The following DGLUCY variants were observed in gnomAD, a reference collection of about 807,000 sequenced individuals.
DGLUCY encodes D-glutamate cyclase, mitochondrial.
A neutral mutation model predicts 58.5 loss-of-function variants in DGLUCY; 58 were observed. The ratio of observed to expected loss-of-function variants is 0.99; its 90% CI spans 0.80 to 1.23. The LOEUF (loss-of-function observed/expected upper bound fraction) is 1.23, where lower values mean the gene tolerates loss of function less well. DGLUCY is among the 50% of genes most tolerant of loss of function. DGLUCY has a pLI of 0.00. For missense variants in DGLUCY, 779 were observed against 784.7 expected (o/e 0.99, Z 0.09); for synonymous variants, 325 against 314.1 (o/e 1.03, Z -0.37).
intron 1 of DGLUCY, among the ~76,000 whole-genome samples, chr14:91,068,079 GCACA>G (rs57428509): frequency 0.021 from 3,146 of 146,368 alleles, 58 homozygotes; most frequent in Non-Finnish European, 0.03. Flanking sequence ...ACACGCGCAC[GCACA>G]CACACACACA....
upstream of DGLUCY, among the ~76,000 whole-genome samples, chr14:91,103,811 AACACAC>A (rs72140720): frequency 1.3e-5 from 2 of 151,264 alleles, no homozygotes; most frequent in Non-Finnish European, 2.9e-5. Context: ...ACATATATGA[AACACAC>A]ACACACACAC....
intron 12 of DGLUCY, among the ~76,000 whole-genome samples, chr14:91,208,851 T>C (rs1254800181): frequency 6.6e-6 from 1 of 152,184 alleles, no homozygotes; most frequent in African/African-American, 2.4e-5. Context: ...ACCCATGAAG[T>C]GGTATACTGT....
intron 1 of DGLUCY, among the ~76,000 whole-genome samples, chr14:91,132,756 G>A (rs1335989045): frequency 6.6e-6 from 1 of 151,882 alleles, no homozygotes; most frequent in Admixed American, 6.6e-5. Flanking sequence ...GGGATTACAG[G>A]CGTGAGCCAC....
upstream of DGLUCY, among the ~76,000 whole-genome samples, chr14:91,112,659 C>A (rs2044726221): frequency 6.6e-6 from 1 of 151,506 alleles, no homozygotes; most frequent in Non-Finnish European, 1.5e-5. Flanking sequence ...AAAAAAGGAA[C>A]AAGATGCATG....
chr14:91,141,584 ACT>A (rs1325155594), intron 1 of DGLUCY, among the ~76,000 whole-genome samples: 2 of 134,216 alleles, frequency 1.5e-5, no homozygotes, highest in African/African-American at 2.8e-5. Flanking sequence ...GCGGAGTCTC[ACT>A]CTGTCGCCAG....
At chr14:91,093,944 G>A (rs942856178) in intron 1 of DGLUCY, among the ~76,000 whole-genome samples, 1 of 152,028 alleles carries the variant, frequency 6.6e-6, no homozygotes, top group Non-Finnish European at 1.5e-5. Flanking sequence ...GTGGTTGCAG[G>A]GACTGGATCT....
At chr14:91,107,316 C>T (rs1194600332), upstream of DGLUCY, among the ~76,000 whole-genome samples, 1 of 151,678 alleles carries the variant, frequency 6.6e-6, no homozygotes, top group African/African-American at 2.4e-5. Context: ...GTCGGGAGTT[C>T]GAGACCAGCC....
intron 1 of DGLUCY, among the ~76,000 whole-genome samples, chr14:91,153,998 C>T (rs747006013): frequency 2.6e-5 from 4 of 152,064 alleles, no homozygotes; most frequent in Non-Finnish European, 4.4e-5. Flanking sequence ...CTCTGCCTCC[C>T]GGGTTCAAGC....
chr14:91,119,374 C>CT (rs2045210948), intron 1 of DGLUCY, among the ~76,000 whole-genome samples: 1 of 152,136 alleles, frequency 6.6e-6, no homozygotes. Flanking sequence ...CTGACCCACT[C>CT]TGTTTCCCTG....
intron 12 of DGLUCY, among the ~76,000 whole-genome samples, chr14:91,212,965 C>T (rs1041276274): frequency 2.0e-5 from 3 of 150,940 alleles, no homozygotes; most frequent in Non-Finnish European, 4.4e-5. Flanking sequence ...CATGCCACTG[C>T]ACTCCAGCCC....
At chr14:91,204,872 G>T in intron 12 of DGLUCY, 47 bp downstream of exon 12, 1 of 1,611,856 alleles carries the variant, frequency 6.2e-7, no homozygotes, top group Non-Finnish European at 8.5e-7. Context: ...CCCAGGGTGA[G>T]CGACCTGGCT....
rs567579029 is a variant in DGLUCY, at chr14:91,173,388, T to G, written c.556T>G (p.Cys186Gly). 1 of 1,612,858 alleles carries G rather than the reference T, an allele frequency of 6.2e-7. No individual in the cohort carries two copies. The highest frequency in any genetic ancestry group is 2.2e-5 in the East Asian group (1 of 44,868). Residue 186 changes from cysteine to glycine, a missense_variant, in exon 6 of 14, where the codon TGC (cysteine) becomes GGC (glycine). Transcript: ENST00000256324. ...CAAGCTGGAAGGGCTGGTGCGGGCC[T>G]GCTGCTCCCTCGGAGGTGAGCAGGG... ...KDKLEGLVRA[C>G]CSLGGEQGQP...
intron 1 of DGLUCY, among the ~76,000 whole-genome samples, chr14:91,062,388 A>C (rs895131965): frequency 1.3e-5 from 2 of 150,982 alleles, no homozygotes; most frequent in African/African-American, 4.9e-5. Flanking sequence ...ATCTACTAAA[A>C]ATACAAAAAA....
intron 5 of DGLUCY, 110 bp from the exon 6 acceptor site, chr14:91,173,179 A>G: frequency 8.6e-7 from 1 of 1,157,436 alleles, no homozygotes; most frequent in Non-Finnish European, 1.3e-6. Flanking sequence ...TTTCTATAAC[A>G]GCTACTCCTC....
intron 1 of DGLUCY, among the ~76,000 whole-genome samples, chr14:91,150,009 A>C (rs1157479829): frequency 2.0e-5 from 3 of 152,094 alleles, no homozygotes; most frequent in Admixed American, 2.0e-4. Flanking sequence ...TCACAAGGTC[A>C]GGAGTTTGAG....
rs534746034 is a variant in DGLUCY, at chr14:91,127,478, A to T, written c.-82+13195A>T. Among the ~76,000 whole-genome samples, 4 of 152,384 alleles carry T rather than the reference A, an allele frequency of 2.6e-5. No individual in the cohort carries two copies. The East Asian group carries it at 5.8e-4, about 22-fold the overall frequency. The stretch of plus-strand genomic sequence containing the variant: ...CCCCCTCTACACCCCGTTCTCCCTG[A>T]GTCTTCCTTCAGACTGCAGCCTTCT... On this transcript the variant is annotated intron_variant, in intron 1 of 13. Coordinates refer to ENST00000256324, the MANE Select transcript of DGLUCY (RefSeq NM_001102368.3).
At chr14:91,068,115 A>ACCCC (rs1555387717) in intron 1 of DGLUCY, among the ~76,000 whole-genome samples, 1 of 140,248 alleles carries the variant, frequency 7.1e-6, no homozygotes, top group South Asian at 2.2e-4. Context: ...ACACACACAC[A>ACCCC]CCCCTTGCAT....
intron 1 of DGLUCY, among the ~76,000 whole-genome samples, chr14:91,088,960 T>A (rs1284590934): frequency 6.6e-6 from 1 of 152,234 alleles, no homozygotes; most frequent in African/African-American, 2.4e-5. Flanking sequence ...GGGAATAGAC[T>A]TCGGTCTGGT....
chr14:91,073,247 C>A (rs536987700), intron 1 of DGLUCY, among the ~76,000 whole-genome samples: 293 of 152,126 alleles, frequency 1.9e-3, no homozygotes, highest in African/African-American at 6.5e-3. Context: ...TCGAGACCAG[C>A]CTGGGCAACA....
Sources: gnomAD v4.1 joint callset for allele counts (sites outside exome capture counted in the v4.1 genomes callset) on GRCh38, gnomAD v4.1.1 for gene constraint, MANE v1.5 for transcripts, NCBI Gene and HGNC (gene_info 2026-07-23, HGNC 2026-07-21) for gene names.